The following OPCML variants were observed in gnomAD, a reference collection of about 807,000 sequenced individuals.
The protein encoded by OPCML is opioid binding protein/cell adhesion molecule like.
Under a neutral mutation model 37.8 loss-of-function variants are expected in OPCML, and 13 were observed. The ratio of observed to expected loss-of-function variants is 0.34; its 90% CI spans 0.22 to 0.55. The LOEUF is 0.55. Ranked by LOEUF, OPCML falls within the 20% of genes least tolerant of loss-of-function variation. The pLI is 0.91. For synonymous variants in OPCML, 176 were observed against 168.8 expected, an observed-to-expected ratio of 1.04 and a Z score of -0.33; for missense variants, 341 against 435.6, an observed-to-expected ratio of 0.78 and a Z score of 1.93.
chr11:132,997,213 A>G (rs893843951), intron 1 of OPCML, among the ~76,000 whole-genome samples: 2 of 152,200 alleles, frequency 1.3e-5, no homozygotes, highest in African/African-American at 4.8e-5. Flanking sequence ...GTATCTGCAC[A>G]TGAGTCACAC....
intron 2 of OPCML, among the ~76,000 whole-genome samples, chr11:132,911,044 A>T (rs549238361): frequency 5.3e-5 from 8 of 152,246 alleles, no homozygotes; most frequent in African/African-American, 1.9e-4. Context: ...ACCTTCCAAG[A>T]TCATACATCT....
At chr11:133,451,057 AT>A (rs759690435) in intron 1 of OPCML, among the ~76,000 whole-genome samples, 4 of 151,690 alleles carry the variant, frequency 2.6e-5, no homozygotes, top group Non-Finnish European at 5.9e-5. Flanking sequence ...TTGAGTGTTT[AT>A]TTTATGTCTC....
At chr11:132,857,416 A>G (rs1376190418) in intron 2 of OPCML, among the ~76,000 whole-genome samples, 2 of 152,230 alleles carry the variant, frequency 1.3e-5, no homozygotes, top group Non-Finnish European at 2.9e-5. Context: ...AGAAAATTTA[A>G]TTGATATGGT....
At chr11:132,449,567 A>G (rs1468249866) in intron 4 of OPCML, among the ~76,000 whole-genome samples, 1 of 152,182 alleles carries the variant, frequency 6.6e-6, no homozygotes, top group African/African-American at 2.4e-5. Flanking sequence ...ATACAGAGCA[A>G]CCAGGAAAGG....
chr11:133,354,615 G>T lies in OPCML; in HGVS notation c.61+177649C>A, dbSNP rs532734811. ...ATAAGTACCTCTACTTTCGCATTTA[G>T]TAACTGGAAGTAATAACAGCTGTCA... On this transcript the variant is annotated intron_variant, in intron 1 of 7. Coordinates refer to ENST00000524381, the MANE Select transcript of OPCML (RefSeq NM_001012393.5). Among the ~76,000 whole-genome samples the T allele has an allele frequency of 4.6e-5, 7 of 152,256 alleles. No homozygotes were observed. The South Asian group carries it at 1.5e-3, about 32-fold the overall frequency.
intron 1 of OPCML, among the ~76,000 whole-genome samples, chr11:132,987,407 C>T (rs570981135): frequency 4.5e-4 from 68 of 152,034 alleles, no homozygotes; most frequent in African/African-American, 9.2e-4. Flanking sequence ...CAAGCAGTTC[C>T]GTGTGGCTGC....
intron 1 of OPCML, among the ~76,000 whole-genome samples, chr11:133,192,895 T>G (rs1438784195): frequency 3.3e-5 from 5 of 152,042 alleles, no homozygotes; most frequent in Non-Finnish European, 7.4e-5. Context: ...CATTTCCAGT[T>G]TTGTTAACAT....
chr11:132,541,086 C>G (rs907352699), intron 3 of OPCML, among the ~76,000 whole-genome samples: 13 of 152,188 alleles, frequency 8.5e-5, no homozygotes, highest in African/African-American at 3.1e-4. Context: ...TCTACCTTCC[C>G]ATTTTGCCCA....
chr11:132,661,016 T>C (rs1352678632), intron 2 of OPCML, among the ~76,000 whole-genome samples: 1 of 152,100 alleles, frequency 6.6e-6, no homozygotes, highest in African/African-American at 2.4e-5. Context: ...TGAGGGTGCA[T>C]AGAACCAGTG....
chr11:132,450,962 T>C (rs2096067024), intron 4 of OPCML, among the ~76,000 whole-genome samples: 2 of 152,144 alleles, frequency 1.3e-5, no homozygotes, highest in Admixed American at 6.5e-5. Context: ...CTTCCAACCA[T>C]TGACTCAATG....
intron 1 of OPCML, among the ~76,000 whole-genome samples, chr11:133,042,998 G>T (rs943398601): frequency 9.2e-5 from 14 of 152,112 alleles, no homozygotes; most frequent in African/African-American, 3.4e-4. Context: ...CAAAACACTT[G>T]CAGACACCCA....
At chr11:132,599,916 A>G (rs924960745) in intron 3 of OPCML, among the ~76,000 whole-genome samples, 1 of 152,212 alleles carries the variant, frequency 6.6e-6, no homozygotes, top group Non-Finnish European at 1.5e-5. Flanking sequence ...GATAATCTCA[A>G]TCAATGTTTT....
chr11:132,789,645 GAAC>G (rs1299097190), intron 2 of OPCML, among the ~76,000 whole-genome samples: 1 of 152,174 alleles, frequency 6.6e-6, no homozygotes, highest in Admixed American at 6.5e-5. Flanking sequence ...CAAAGAGAAA[GAAC>G]AATATTTTGC....
At chr11:133,492,956 C>A (rs1172502331) in intron 1 of OPCML, among the ~76,000 whole-genome samples, 1 of 152,204 alleles carries the variant, frequency 6.6e-6, no homozygotes, top group Non-Finnish European at 1.5e-5. Context: ...CCATAAGAAG[C>A]ATCAGGCACC....
intron 1 of OPCML, among the ~76,000 whole-genome samples, chr11:133,352,915 C>A (rs941344903): frequency 6.6e-6 from 1 of 152,176 alleles, no homozygotes; most frequent in Admixed American, 6.5e-5. Flanking sequence ...GTTTCCTCAC[C>A]TGCTAAATAA....
chr11:133,001,190 AAACAAT>A (rs951249338), intron 1 of OPCML, among the ~76,000 whole-genome samples: 4 of 152,146 alleles, frequency 2.6e-5, no homozygotes, highest in Admixed American at 6.5e-5. Context: ...CTTTAAAAAG[AAACAAT>A]AATAATAACT....
intron 1 of OPCML, among the ~76,000 whole-genome samples, chr11:133,392,129 A>G (rs1025934461): frequency 1.3e-5 from 2 of 152,246 alleles, no homozygotes; most frequent in African/African-American, 4.8e-5. Flanking sequence ...AGTGTTTACC[A>G]TATGGCAGGC....
chr11:133,131,195 C>T (rs1011530624), intron 1 of OPCML, among the ~76,000 whole-genome samples: 4 of 152,100 alleles, frequency 2.6e-5, no homozygotes, highest in African/African-American at 9.7e-5. Flanking sequence ...TGATCTTGGA[C>T]TTCCCATACT....
intron 1 of OPCML, among the ~76,000 whole-genome samples, chr11:133,492,927 A>G (rs1307448432): frequency 6.6e-6 from 1 of 152,172 alleles, no homozygotes; most frequent in Non-Finnish European, 1.5e-5. Context: ...CAGGATAGAA[A>G]GGCACACTGG....
Sources: allele counts gnomAD v4.1 joint callset (sites outside exome capture counted in the v4.1 genomes callset), GRCh38; gene constraint gnomAD v4.1.1; transcripts MANE v1.5; gene names NCBI Gene and HGNC (gene_info 2026-07-23, HGNC 2026-07-21).